COL4A5: variants seen among roughly 807,000 people sequenced by gnomAD.
COL4A5 encodes the protein collagen alpha-5(IV) chain.
COL4A5 carries 26 observed loss-of-function variants against 130.2 expected under a neutral mutation model. That is an observed-to-expected ratio of 0.20 (90% CI 0.15 to 0.28). The LOEUF (loss-of-function observed/expected upper bound fraction) is 0.28, where lower values mean the gene tolerates loss of function less well. Ranked by LOEUF, COL4A5 falls within the 10% of genes least tolerant of loss-of-function variation. The pLI is 1.00. For missense variants in COL4A5, 1,131 were observed against 1,344.3 expected, an observed-to-expected ratio of 0.84 and a Z score of 2.48; for synonymous variants, 496 against 439.6, an observed-to-expected ratio of 1.13 and a Z score of -1.60.
intron 50 of COL4A5, chrX:108,693,491 T>C (rs2068671258): frequency 8.7e-6 from 1 of 114,975 alleles, no homozygotes; most frequent in African/African-American, 3.2e-5. Flanking sequence ...AGGCCTTCTG[T>C]ACCAAATTGT....
chrX:108,580,688 C>T lies in COL4A5; in HGVS notation c.841C>T (p.Pro281Ser). The change falls in exon 15 of 53, where the codon CCA becomes TCA. Residue 281 changes from proline (P) to serine (S), a missense_variant. Pro to Ser is a moderately conservative substitution (Grantham distance 74, BLOSUM62 -1). Transcript: ENST00000328300. ...ACTATTTTTATGTGTACAGGGTCCC[C>T]CAGGTGGTGAGAAAGGTGAGAAGGG... ...PPGIRGPPGP[P>S]GGEKGEKGEQ... 3 of 1,210,121 alleles carry T rather than the reference C, an allele frequency of 2.5e-6. No homozygotes were observed. Among genetic ancestry groups the T allele is most frequent in the Non-Finnish European group, 3.4e-6 (3 of 894,406 alleles).
intron 44 of COL4A5, 29 bp downstream of exon 44, chrX:108,677,662 G>C: frequency 1.7e-6 from 2 of 1,201,602 alleles, no homozygotes; most frequent in Non-Finnish European, 2.3e-6. Context: ...TATCTGATGA[G>C]AGAAGAATGT....
At chrX:108,525,107 A>G (rs1220158861) in intron 1 of COL4A5, among the ~76,000 whole-genome samples, 1 of 111,278 alleles carries the variant, frequency 9.0e-6, no homozygotes, top group Non-Finnish European at 1.9e-5. Flanking sequence ...GTCCCCAACT[A>G]TTTTTGAATT....
In COL4A5 at chrX:108,584,846, AAAC is replaced by A. The variant is rs1180479319; in HGVS notation, c.1032+333_1032+335del. On this transcript the variant is annotated intron_variant, in intron 18 of 52. Coordinates refer to ENST00000328300, the MANE Select transcript of COL4A5 (RefSeq NM_033380.3). ...AGTGTTGCTTACAAAGGTTCAATGA[AAAC>A]AACAACAACAAAACAAAACTTGGGG... is the stretch of plus-strand genomic sequence containing the variant. 6.4e-5 allele frequency among the ~76,000 whole-genome samples: 7 copies of A among 108,645 alleles called. No individual in the cohort carries two copies. The East Asian group carries it at 8.7e-4, about 14-fold the overall frequency. 94.3% of individuals were successfully genotyped at this position (108,645 alleles called of 115,157 possible). A position where few individuals can be genotyped will look rare whatever the true frequency, so the allele number is the denominator to read the frequency against.
intron 51 of COL4A5, 44 bp from the exon 52 acceptor site, chrX:108,695,223 A>G (rs758783536): frequency 5.0e-6 from 6 of 1,200,556 alleles, no homozygotes; most frequent in Middle Eastern, 3.1e-4. Context: ...CTAAGCTATT[A>G]TGGCACATGG....
At chrX:108,626,581 C>T in intron 36 of COL4A5, 1 of 1,119,045 alleles carries the variant, frequency 8.9e-7, no homozygotes, top group Non-Finnish European at 1.2e-6. Flanking sequence ...TTTCTTCTAT[C>T]TTAATTTCTG....
At chrX:108,632,800 C>T (rs1332671841) in intron 36 of COL4A5, among the ~76,000 whole-genome samples, 3 of 111,782 alleles carry the variant, frequency 2.7e-5, no homozygotes, top group Non-Finnish European at 5.6e-5. Context: ...GCTAAAAACT[C>T]AATAAACTAG....
At chrX:108,685,902 CTTCTTT>C (rs2068533318) in intron 47 of COL4A5, 123 bp from the exon 48 acceptor site, 1 of 540,758 alleles carries the variant, frequency 1.8e-6, no homozygotes, top group Non-Finnish European at 3.2e-6. Flanking sequence ...TGAGTTATCT[CTTCTTT>C]TTTCTGGATT....
intron 1 of COL4A5, among the ~76,000 whole-genome samples, chrX:108,470,921 T>C (rs2064761872): frequency 8.9e-6 from 1 of 111,793 alleles, no homozygotes; most frequent in Non-Finnish European, 1.9e-5. Flanking sequence ...CCATTACTTG[T>C]TATTGCTGAG....
intron 1 of COL4A5, among the ~76,000 whole-genome samples, chrX:108,446,162 A>AT (rs1272975518): frequency 1.8e-5 from 2 of 111,912 alleles, no homozygotes; most frequent in Non-Finnish European, 3.8e-5. Flanking sequence ...CTAAAAAAAA[A>AT]GTTGGTTAAA....
At chrX:108,679,448 T>A (rs934287949) in intron 44 of COL4A5, among the ~76,000 whole-genome samples, 4 of 111,657 alleles carry the variant, frequency 3.6e-5, no homozygotes, top group Non-Finnish European at 5.6e-5. Context: ...TTTTTTCTCA[T>A]GTTTTCCACT....
At chrX:108,501,376 T>A (rs962031546) in intron 1 of COL4A5, among the ~76,000 whole-genome samples, 1 of 111,734 alleles carries the variant, frequency 8.9e-6, no homozygotes, top group African/African-American at 3.3e-5. Context: ...TTTTACCTTA[T>A]CACTCTTATT....
intron 18 of COL4A5, among the ~76,000 whole-genome samples, chrX:108,585,805 A>G (rs186190460): frequency 6.3e-5 from 7 of 111,762 alleles, no homozygotes; most frequent in Admixed American, 1.9e-4. Flanking sequence ...GGTTTAATCA[A>G]TAAAGAACAT....
chrX:108,642,015 C>T (rs1277832970), intron 36 of COL4A5, among the ~76,000 whole-genome samples: 1 of 111,614 alleles, frequency 9.0e-6, no homozygotes, highest in Non-Finnish European at 1.9e-5. Flanking sequence ...TGCTCACCCA[C>T]CACCTGGAAA....
At chrX:108,654,280 C>T (rs113560713) in intron 36 of COL4A5, among the ~76,000 whole-genome samples, 6 of 112,452 alleles carry the variant, frequency 5.3e-5, no homozygotes, top group African/African-American at 9.7e-5. Flanking sequence ...TGAGCAAAAA[C>T]GGTTATACAT....
intron 1 of COL4A5, among the ~76,000 whole-genome samples, chrX:108,490,260 G>A (rs2064982479): frequency 8.9e-6 from 1 of 111,830 alleles, no homozygotes; most frequent in Non-Finnish European, 1.9e-5. Context: ...TATCTGTAGG[G>A]TGAATTTCTA....
At chrX:108,502,246 C>T (rs2065085964) in intron 1 of COL4A5, among the ~76,000 whole-genome samples, 1 of 109,094 alleles carries the variant, frequency 9.2e-6, no homozygotes, top group African/African-American at 3.5e-5. Flanking sequence ...ATCAGGTATG[C>T]TGGAAGGTAA....
At chrX:108,669,376 A>C (rs2147961472) in intron 41 of COL4A5, among the ~76,000 whole-genome samples, 1 of 112,387 alleles carries the variant, frequency 8.9e-6, no homozygotes, top group East Asian at 2.8e-4. Flanking sequence ...GAAAAATGTT[A>C]TTTATATTAC....
intron 36 of COL4A5, among the ~76,000 whole-genome samples, chrX:108,629,234 T>C (rs1391592159): frequency 9.0e-6 from 1 of 111,337 alleles, no homozygotes; most frequent in Admixed American, 9.6e-5. Flanking sequence ...TATAGTGCCT[T>C]ATAGGTCATC....
Sources: allele counts gnomAD v4.1 joint callset (sites outside exome capture counted in the v4.1 genomes callset), GRCh38; gene constraint gnomAD v4.1.1; transcripts MANE v1.5; gene names NCBI Gene and HGNC (gene_info 2026-07-23, HGNC 2026-07-21).